RGS7: variants seen among roughly 807,000 people sequenced by gnomAD.
RGS7 encodes the protein regulator of G protein signaling 7.
Under a neutral mutation model 81.1 loss-of-function variants are expected in RGS7, and 27 were observed. The ratio of observed to expected loss-of-function variants is 0.33; its 90% CI spans 0.25 to 0.46. The LOEUF is 0.46. Ranked by LOEUF, RGS7 falls within the 20% of genes least tolerant of loss-of-function variation. RGS7 has a pLI of 1.00. For missense variants in RGS7, 396 were observed against 607.4 expected, an observed-to-expected ratio of 0.65 and a Z score of 3.66; for synonymous variants, 208 against 207.7, an observed-to-expected ratio of 1.00 and a Z score of -0.01.
At chr1:241,054,289 C>T (rs1007046523) in intron 3 of RGS7, among the ~76,000 whole-genome samples, 1 of 152,228 alleles carries the variant, frequency 6.6e-6, no homozygotes, top group South Asian at 2.1e-4. Context: ...GGGAGCTACA[C>T]TGAGAGATGG....
chr1:240,921,624 G>A (rs1673560070), intron 6 of RGS7, among the ~76,000 whole-genome samples: 1 of 151,968 alleles, frequency 6.6e-6, no homozygotes, highest in Non-Finnish European at 1.5e-5. Context: ...TACCAGCAAT[G>A]AAAAATTGAA....
At chr1:241,133,802 T>G (rs571348710) in intron 2 of RGS7, among the ~76,000 whole-genome samples, 9 of 152,324 alleles carry the variant, frequency 5.9e-5, no homozygotes, top group African/African-American at 1.7e-4. Flanking sequence ...AAGTTTAGGT[T>G]TGGTCAAGGT....
intron 3 of RGS7, among the ~76,000 whole-genome samples, chr1:240,991,402 C>T (rs1379316362): frequency 6.6e-6 from 1 of 152,166 alleles, no homozygotes; most frequent in African/African-American, 2.4e-5. Flanking sequence ...ATTTCCTGCC[C>T]TCTACTGGAG....
chr1:241,152,140 C>CAAAAAAA lies in RGS7; in HGVS notation c.79-53385_79-53379dup, dbSNP rs112950850. Among the ~76,000 whole-genome samples, 5 of 108,500 alleles carry CAAAAAAA rather than the reference C, an allele frequency of 4.6e-5. No individual in the cohort carries two copies. The East Asian group carries it at 7.3e-4, about 16-fold the overall frequency. 71.2% of individuals were successfully genotyped at this position (108,500 alleles called of 152,430 possible). ...CCAATAATTCCAGCTCATTAGCAGC[C>CAAAAAAA]AAAAAAAAAAAAAAAGATCTTTGGG... is the stretch of plus-strand genomic sequence containing the variant. On this transcript the variant is annotated intron_variant, in intron 2 of 18. Transcript: ENST00000440928.
intron 3 of RGS7, among the ~76,000 whole-genome samples, chr1:241,063,881 C>CA (rs2061884328): frequency 6.6e-6 from 1 of 152,066 alleles, no homozygotes. Context: ...ACGACACTGC[C>CA]ACATGAAGGA....
intron 9 of RGS7, among the ~76,000 whole-genome samples, chr1:240,849,587 G>A (rs1031089809): frequency 1.3e-4 from 20 of 152,174 alleles, no homozygotes; most frequent in African/African-American, 4.8e-4. Context: ...GGATCATGGG[G>A]GTGGATCCCT....
intron 4 of RGS7, among the ~76,000 whole-genome samples, chr1:240,968,905 T>C (rs1412694679): frequency 6.6e-6 from 1 of 152,198 alleles, no homozygotes; most frequent in Non-Finnish European, 1.5e-5. Context: ...TGTTCTCAAC[T>C]GAAATACAGG....
intron 3 of RGS7, among the ~76,000 whole-genome samples, chr1:241,088,883 T>C (rs533139859): frequency 5.3e-5 from 8 of 150,834 alleles, no homozygotes; most frequent in Non-Finnish European, 1.0e-4. Flanking sequence ...TGGTGGCAGG[T>C]GCCTGTAGTC....
At chr1:241,215,998 G>A (rs540868884) in intron 2 of RGS7, among the ~76,000 whole-genome samples, 151 of 152,318 alleles carry the variant, frequency 9.9e-4, no homozygotes, top group African/African-American at 3.4e-3. Flanking sequence ...AAGGCCGGGC[G>A]CGGTGGCTCA....
chr1:241,330,229 C>A (rs761781234), intron 2 of RGS7, among the ~76,000 whole-genome samples: 1 of 152,114 alleles, frequency 6.6e-6, no homozygotes, highest in Non-Finnish European at 1.5e-5. Flanking sequence ...GTGAGCCACC[C>A]CGCCCGGCCC....
intron 3 of RGS7, among the ~76,000 whole-genome samples, chr1:241,027,036 T>TAAAAA (rs35885080): frequency 7.3e-6 from 1 of 137,592 alleles, no homozygotes; most frequent in Non-Finnish European, 1.6e-5. Flanking sequence ...TACCAGAAAT[T>TAAAAA]AAAAAAAAAA....
chr1:240,806,581 TA>T (rs1427964182), intron 14 of RGS7, among the ~76,000 whole-genome samples: 1 of 149,394 alleles, frequency 6.7e-6, no homozygotes, highest in African/African-American at 2.4e-5. Flanking sequence ...AAAATATTAA[TA>T]AAAATATAAA....
At chr1:241,168,726 C>T (rs2070474919) in intron 2 of RGS7, among the ~76,000 whole-genome samples, 1 of 152,120 alleles carries the variant, frequency 6.6e-6, no homozygotes, top group Admixed American at 6.5e-5. Flanking sequence ...CTCTGTCTCT[C>T]TCTCTCTCTC....
chr1:240,883,929 A>G (rs1666869894), intron 6 of RGS7, among the ~76,000 whole-genome samples: 1 of 152,002 alleles, frequency 6.6e-6, no homozygotes, highest in African/African-American at 2.4e-5. Flanking sequence ...TACAAAAATT[A>G]GCCAGGCGTG....
intron 2 of RGS7, among the ~76,000 whole-genome samples, chr1:241,172,397 A>G (rs902287522): frequency 1.3e-5 from 2 of 152,242 alleles, no homozygotes; most frequent in Non-Finnish European, 2.9e-5. Context: ...TGAAATAATT[A>G]CAGTCACTCA....
intron 2 of RGS7, among the ~76,000 whole-genome samples, chr1:241,151,153 G>A (rs533648728): frequency 4.6e-5 from 7 of 152,220 alleles, no homozygotes; most frequent in South Asian, 2.1e-4. Context: ...CCTAACAGTC[G>A]TGCCCAGAAA....
At chr1:240,920,056 T>C in intron 6 of RGS7, 3 of 1,022,962 alleles carry the variant, frequency 2.9e-6, no homozygotes, top group Non-Finnish European at 4.6e-6. Context: ...GGGATTGAAA[T>C]CATGACTGAT....
intron 6 of RGS7, among the ~76,000 whole-genome samples, chr1:240,918,810 A>G (rs1220899125): frequency 6.6e-6 from 1 of 151,998 alleles, no homozygotes; most frequent in Non-Finnish European, 1.5e-5. Flanking sequence ...GCTTAAAACA[A>G]TTAATATTGA....
intron 3 of RGS7, among the ~76,000 whole-genome samples, chr1:241,027,259 G>A (rs2059839575): frequency 6.6e-6 from 1 of 151,896 alleles, no homozygotes; most frequent in Non-Finnish European, 1.5e-5. Flanking sequence ...GGAGTGTGGT[G>A]GCAGGGAGTG....
Sources: gnomAD v4.1 joint callset for allele counts (sites outside exome capture counted in the v4.1 genomes callset) on GRCh38, gnomAD v4.1.1 for gene constraint, MANE v1.5 for transcripts, NCBI Gene and HGNC (gene_info 2026-07-23, HGNC 2026-07-21) for gene names.